INPP4A: variants seen among roughly 807,000 people sequenced by gnomAD.
INPP4A encodes inositol polyphosphate-4-phosphatase type I A.
In INPP4A, 33 loss-of-function variants were observed where a neutral mutation model predicts 119.8. That is an observed-to-expected ratio of 0.28 (90% confidence interval 0.21 to 0.37). The LOEUF is 0.37. Among genes scored for constraint, INPP4A ranks in the 10% least tolerant of loss-of-function variants. The pLI, the probability that INPP4A is intolerant of heterozygous loss-of-function variation, is 1.00. For missense variants in INPP4A, 956 were observed against 1,289.9 expected, an observed-to-expected ratio of 0.74 and a Z score of 3.97; for synonymous variants, 496 against 500.7, an observed-to-expected ratio of 0.99 and a Z score of 0.12.
chr2:98,574,998 G>A (rs145721964), intron 23 of INPP4A, among the ~76,000 whole-genome samples: 138 of 152,276 alleles, frequency 9.1e-4, no homozygotes, highest in African/African-American at 3.2e-3. Context: ...GTTGTCCACC[G>A]AATCCCAGGC....
Position 98,589,126 on chromosome 2 carries a change from G to A in INPP4A, c.*1518G>A, listed in dbSNP as rs1700194660. 1 of 179,150 alleles carries A rather than the reference G, an allele frequency of 5.6e-6. No homozygotes were observed. The highest frequency in any genetic ancestry group is 2.4e-5 in the African/African-American group (1 of 42,354). The allele number at this position is 179,150 out of a possible 1,614,324, so 11.1% of individuals were successfully genotyped here. On this transcript the variant is annotated 3_prime_UTR_variant, in exon 25 of 25. Coordinates refer to ENST00000409851, the MANE Select transcript of INPP4A (RefSeq NM_001134225.2). The stretch of plus-strand genomic sequence containing the variant: ...CCTGCTGTCTCCCGATGCCTGCAGG[G>A]AGGAAAATGTCTGTGAAGGACACTT...
At position 98,525,101 on chromosome 2, in the gene INPP4A, C is replaced by T. The variant is rs543774345; in HGVS notation, c.151+4370C>T. 7.2e-5 allele frequency among the ~76,000 whole-genome samples: 11 copies of T among 152,232 alleles called. No homozygotes were observed. The East Asian group carries it at 1.7e-3, about 24-fold the overall frequency. On this transcript the variant is annotated intron_variant, in intron 4 of 24. Transcript: ENST00000409851. ...TCCTATCTATTTCCTTGCTCATTCGCGTTGTTGGCAGAATTCAGTTGCTAG... is the reference window on the plus strand; with the variant it reads ...TCCTATCTATTTCCTTGCTCATTCGTGTTGTTGGCAGAATTCAGTTGCTAG...
At chr2:98,568,698 C>T (rs1229551278) in intron 22 of INPP4A, 30 bp downstream of exon 22, 1 of 1,218,040 alleles carries the variant, frequency 8.2e-7, no homozygotes, top group Non-Finnish European at 1.2e-6. Flanking sequence ...TGGTAGGTTT[C>T]ACTTACTCGT....
chr2:98,523,366 GTTTTTTTTGTT>G (rs1463890141), intron 4 of INPP4A, among the ~76,000 whole-genome samples: 2 of 151,328 alleles, frequency 1.3e-5, no homozygotes, highest in East Asian at 1.9e-4. Context: ...TTTTACCCCA[GTTTTTTTTGTT>G]TTGTTTTTGT....
chr2:98,506,683 T>C lies in INPP4A; in HGVS notation c.-165-12281T>C, dbSNP rs1200349378. ...CATTGTGAGAAACTACGTCCCTTGC[T>C]TGCATTGGCAGCAGACACTGTTGAA... On this transcript the variant is annotated intron_variant, in intron 1 of 24. Coordinates refer to ENST00000409851, the MANE Select transcript of INPP4A (RefSeq NM_001134225.2). Among the ~76,000 whole-genome samples the C allele has an allele frequency of 3.3e-5, 5 of 152,216 alleles. No individual in the cohort carries two copies. The East Asian group carries it at 9.6e-4, about 29-fold the overall frequency.
rs1240758727 is a variant in INPP4A at position 98,593,327 on chromosome 2, TTCC to T, written c.*5728_*5730del. 6.5e-6 allele frequency: 1 copy of T among 152,784 alleles called. No individual in the cohort carries two copies. The highest frequency in any genetic ancestry group is 1.5e-5 in the Non-Finnish European group (1 of 68,224). The allele number at this position is 152,784 out of a possible 1,614,324, so 9.5% of individuals were successfully genotyped here. A position where few individuals can be genotyped will look rare whatever the true frequency, so the allele number is the denominator to read the frequency against. On this transcript the variant is annotated 3_prime_UTR_variant, in exon 25 of 25. Coordinates refer to ENST00000409851, the MANE Select transcript of INPP4A (RefSeq NM_001134225.2). ...GTAGACAGACACAGCACTTCACTGCTTCCTCCTCCTCGCCACCCAGCCCTCCCT... is the reference window on the plus strand; with the variant it reads ...GTAGACAGACACAGCACTTCACTGCTTCCTCCTCGCCACCCAGCCCTCCCT...
intron 24 of INPP4A, 146 bp downstream of exon 24, chr2:98,577,289 A>G: frequency 1.2e-6 from 1 of 833,522 alleles, no homozygotes; most frequent in East Asian, 2.9e-5. Flanking sequence ...CAAACCCGTC[A>G]AACTATTGGC....
At chr2:98,575,200 TG>T (rs1698215310) in intron 23 of INPP4A, among the ~76,000 whole-genome samples, 1 of 152,254 alleles carries the variant, frequency 6.6e-6, no homozygotes, top group South Asian at 2.1e-4. Flanking sequence ...ATCTCATGGA[TG>T]GGGAGACCCA....
At chr2:98,458,108 C>T (rs1473042366) in intron 1 of INPP4A, among the ~76,000 whole-genome samples, 3 of 151,670 alleles carry the variant, frequency 2.0e-5, no homozygotes, top group African/African-American at 7.3e-5. Flanking sequence ...CATGAGCCAT[C>T]ACACCCTGCC....
chr2:98,451,023 T>C (rs929972253), intron 1 of INPP4A, among the ~76,000 whole-genome samples: 2 of 152,170 alleles, frequency 1.3e-5, no homozygotes, highest in African/African-American at 4.8e-5. Context: ...CACCCACCTC[T>C]GCCCCCCAAA....
chr2:98,550,958 T>G (rs1033472468), intron 13 of INPP4A, among the ~76,000 whole-genome samples: 2 of 152,062 alleles, frequency 1.3e-5, no homozygotes, highest in African/African-American at 2.4e-5. Flanking sequence ...TCCTTTTTTT[T>G]TTTCCACTGT....
intron 1 of INPP4A, among the ~76,000 whole-genome samples, chr2:98,514,156 A>G (rs1284126738): frequency 6.6e-6 from 1 of 152,182 alleles, no homozygotes; most frequent in Non-Finnish European, 1.5e-5. Context: ...TCTTTACGTT[A>G]AAGTCATCTC....
chr2:98,589,374 G>C lies in INPP4A; in HGVS notation c.*1766G>C, dbSNP rs976816960. 5.4e-6 allele frequency: 1 copy of C among 184,392 alleles called. No homozygotes were observed. The allele number at this position is 184,392 out of a possible 1,614,324, so 11.4% of individuals were successfully genotyped here. A position where few individuals can be genotyped will look rare whatever the true frequency, so the allele number is the denominator to read the frequency against. ...ATCTCATTTAATTTGTAAATTTTTAGTTCTGTCTTTTCTCATTTTAACTTT... is the reference window on the plus strand; with the variant it reads ...ATCTCATTTAATTTGTAAATTTTTACTTCTGTCTTTTCTCATTTTAACTTT... On this transcript the variant is annotated 3_prime_UTR_variant, in exon 25 of 25. Coordinates refer to ENST00000409851, the MANE Select transcript of INPP4A (RefSeq NM_001134225.2).
rs552711544 is a variant in INPP4A, at chr2:98,570,284, G to A, written c.2518+1616G>A. ...TTGAGGCCACTGAGTGACAAGACGAGAAGGGGCTGGAACAGCATCTGGAGG... is the reference window on the plus strand; with the variant it reads ...TTGAGGCCACTGAGTGACAAGACGAAAAGGGGCTGGAACAGCATCTGGAGG... On this transcript the variant is annotated intron_variant, in intron 22 of 24. Coordinates refer to ENST00000409851, the MANE Select transcript of INPP4A (RefSeq NM_001134225.2). The surrounding 1 kb of genome is among the most constrained non-coding windows in gnomAD (Gnocchi z 4.3). Among the ~76,000 whole-genome samples the A allele has an allele frequency of 1.2e-4, 18 of 152,368 alleles. No homozygotes were observed. The East Asian group carries it at 3.3e-3, about 28-fold the overall frequency.
intron 1 of INPP4A, among the ~76,000 whole-genome samples, chr2:98,509,329 G>A (rs1258175573): frequency 6.6e-6 from 1 of 152,208 alleles, no homozygotes; most frequent in Non-Finnish European, 1.5e-5. Context: ...GTCAATCAGC[G>A]GTGGCATTAG....
Position 98,566,602 on chromosome 2 carries a change from A to G in INPP4A, c.2420+433A>G, listed in dbSNP as rs1415984953. ...GAAAGGCCTGGCGAGGAGAAACAGC[A>G]TGGAGTTCAGGGGCACCAGGTTCCA... is the stretch of plus-strand genomic sequence containing the variant. On this transcript the variant is annotated intron_variant, in intron 21 of 24. Coordinates refer to ENST00000409851, the MANE Select transcript of INPP4A (RefSeq NM_001134225.2). The surrounding 1 kb of genome is among the most constrained non-coding windows in gnomAD (Gnocchi z 4.2). Among the ~76,000 whole-genome samples the G allele has an allele frequency of 6.6e-6, 1 of 152,158 alleles. No individual in the cohort carries two copies. Among genetic ancestry groups the G allele is most frequent in the Non-Finnish European group, 1.5e-5 (1 of 68,026 alleles).
chr2:98,515,442 G>A (rs1311961074), intron 1 of INPP4A, among the ~76,000 whole-genome samples: 1 of 151,938 alleles, frequency 6.6e-6, no homozygotes, highest in Non-Finnish European at 1.5e-5. Flanking sequence ...GGGTAGGACG[G>A]GGGTGGGGTA....
chr2:98,521,184 A>G (rs984658175), intron 4 of INPP4A: 1 of 156,718 alleles, frequency 6.4e-6, no homozygotes, highest in African/African-American at 2.4e-5. Flanking sequence ...AAAAGGCAAC[A>G]TTGGCACCTG....
chr2:98,578,881 A>G (rs1251131267), intron 24 of INPP4A, among the ~76,000 whole-genome samples: 1 of 152,228 alleles, frequency 6.6e-6, no homozygotes, highest in African/African-American at 2.4e-5. Flanking sequence ...TACTGTCTAG[A>G]TAAGAGACAT....
Sources: allele counts gnomAD v4.1 joint callset (sites outside exome capture counted in the v4.1 genomes callset), GRCh38; gene constraint gnomAD v4.1.1; non-coding constraint Gnocchi (gnomAD v3.1); transcripts MANE v1.5; gene names NCBI Gene and HGNC (gene_info 2026-07-23, HGNC 2026-07-21).